The following ESRRG variants were observed in gnomAD, a reference collection of about 807,000 sequenced individuals.
ESRRG encodes estrogen-related receptor gamma.
Under a neutral mutation model 44.0 loss-of-function variants are expected in ESRRG, and 13 were observed. The observed-to-expected ratio is 0.30, with a 90% CI of 0.19 to 0.47. ESRRG has a LOEUF of 0.47. Ranked by LOEUF, ESRRG falls within the 20% of genes least tolerant of loss-of-function variation. The pLI is 1.00. For synonymous variants in ESRRG, 215 were observed against 214.6 expected (o/e 1.00, Z -0.02); for missense variants, 395 against 580.6 (o/e 0.68, Z 3.29).
chr1:217,052,620 A>G (rs1488272303), intron 1 of ESRRG, among the ~76,000 whole-genome samples: 1 of 152,206 alleles, frequency 6.6e-6, no homozygotes, highest in African/African-American at 2.4e-5. Flanking sequence ...CAAAAGAACC[A>G]AAGGTTTCCC....
chr1:216,767,140 C>G (rs1035042019), intron 2 of ESRRG, among the ~76,000 whole-genome samples: 1 of 151,954 alleles, frequency 6.6e-6, no homozygotes, highest in Non-Finnish European at 1.5e-5. Flanking sequence ...TCAAAGTGTT[C>G]TTTTTTATTT....
At chr1:216,773,166 G>A (rs2093451821) in intron 2 of ESRRG, among the ~76,000 whole-genome samples, 1 of 152,066 alleles carries the variant, frequency 6.6e-6, no homozygotes, top group African/African-American at 2.4e-5. Flanking sequence ...CTTAAAATGT[G>A]TATGCCTTTC....
chr1:217,053,132 TTAAAA>T (rs1264830109), intron 1 of ESRRG, among the ~76,000 whole-genome samples: 1 of 26,040 alleles, frequency 3.8e-5, no homozygotes, highest in Non-Finnish European at 8.4e-5. Context: ...AAATCCCATC[TTAAAA>T]AAAAAAAAAA....
At chr1:216,821,689 AAAATAAAT>A (rs199753545) in intron 2 of ESRRG, among the ~76,000 whole-genome samples, 13,843 of 112,958 alleles carry the variant, frequency 0.12, 2,150 homozygotes, top group African/African-American at 0.26. Flanking sequence ...TGCCTCAGGA[AAAATAAAT>A]AAATAAATAA....
At chr1:216,717,340 A>C (rs2085119163) in intron 1 of ESRRG, among the ~76,000 whole-genome samples, 1 of 151,854 alleles carries the variant, frequency 6.6e-6, no homozygotes, top group African/African-American at 2.4e-5. Flanking sequence ...AAAACTCTGA[A>C]TGGAAATTAT....
At chr1:216,606,549 T>C (rs575612556) in intron 3 of ESRRG, among the ~76,000 whole-genome samples, 20 of 152,270 alleles carry the variant, frequency 1.3e-4, no homozygotes, top group African/African-American at 4.6e-4. Context: ...TTGGCCACTC[T>C]TTCTCTTGCA....
intron 1 of ESRRG, among the ~76,000 whole-genome samples, chr1:217,020,275 A>C (rs1027480624): frequency 6.6e-6 from 1 of 152,200 alleles, no homozygotes; most frequent in African/African-American, 2.4e-5. Flanking sequence ...GCCCCAGTAA[A>C]ATATGACAAA....
intron 2 of ESRRG, among the ~76,000 whole-genome samples, chr1:216,829,642 C>T (rs2095454907): frequency 6.6e-6 from 1 of 151,786 alleles, no homozygotes; most frequent in Admixed American, 6.6e-5. Flanking sequence ...CCAACCTCCG[C>T]CTCCTGGGTT....
At chr1:216,523,846 CAA>C (rs145462321) in intron 5 of ESRRG, among the ~76,000 whole-genome samples, 6 of 127,444 alleles carry the variant, frequency 4.7e-5, no homozygotes, top group Admixed American at 7.7e-5. Flanking sequence ...TTCTGTTCCA[CAA>C]AAAAAAAAAA....
At chr1:217,057,114 CT>C (rs2087280306) in intron 1 of ESRRG, among the ~76,000 whole-genome samples, 1 of 152,132 alleles carries the variant, frequency 6.6e-6, no homozygotes, top group African/African-American at 2.4e-5. Flanking sequence ...TGAGAAACTA[CT>C]GAGAGTGGCT....
chr1:216,716,905 G>T (rs560691487), intron 1 of ESRRG, among the ~76,000 whole-genome samples: 1 of 151,934 alleles, frequency 6.6e-6, no homozygotes, highest in African/African-American at 2.4e-5. Context: ...ATCTTTGCCA[G>T]TATACTGAAA....
At chr1:216,687,403 T>G (rs144175310) in intron 1 of ESRRG, among the ~76,000 whole-genome samples, 9 of 152,316 alleles carry the variant, frequency 5.9e-5, no homozygotes, top group Non-Finnish European at 1.3e-4. Context: ...TTGATTTGAC[T>G]GCCAGTAGGA....
At chr1:216,815,238 T>C (rs1045815369) in intron 2 of ESRRG, among the ~76,000 whole-genome samples, 21 of 152,346 alleles carry the variant, frequency 1.4e-4, no homozygotes, top group Non-Finnish European at 2.5e-4. Flanking sequence ...GTGCTGACTA[T>C]GTGCCAGGCA....
chr1:216,912,107 GAAGAAAAGAAAAGAA>G lies in ESRRG; in HGVS notation c.-14+27460_-14+27474del, dbSNP rs763291110. Reference sequence around the variant, plus strand: ...GAGCAAGACCCACCCTGTAAAAAAAGAAGAAAAGAAAAGAAAAGAAAAGAAAAGAAAAGAAAAGAA... The same window carrying G: ...GAGCAAGACCCACCCTGTAAAAAAAGAAGAAAAGAAAAGAAAAGAAAAGAA... On this transcript the variant is annotated intron_variant, in intron 2 of 7. Coordinates refer to the ESRRG transcript ENST00000359162. Among the ~76,000 whole-genome samples, 308 of 74,366 alleles carry G rather than the reference GAAGAAAAGAAAAGAA, an allele frequency of 4.1e-3. 7 individuals carry two copies. Among genetic ancestry groups the G allele is most frequent in the Non-Finnish European group, 5.9e-3 (213 of 35,870 alleles). 48.8% of individuals were successfully genotyped at this position (74,366 alleles called of 152,430 possible).
intron 1 of ESRRG, among the ~76,000 whole-genome samples, chr1:217,062,166 C>A (rs536051352): frequency 1.3e-5 from 2 of 152,182 alleles, no homozygotes; most frequent in South Asian, 2.1e-4. Flanking sequence ...ACACCCCTGG[C>A]GTGTGAATTA....
At chr1:216,781,664 G>A (rs932642699) in intron 2 of ESRRG, among the ~76,000 whole-genome samples, 6 of 152,006 alleles carry the variant, frequency 3.9e-5, no homozygotes, top group African/African-American at 7.2e-5. Context: ...AGAAGAGACC[G>A]CCTTTACATG....
chr1:217,015,756 T>G (rs2079274602), intron 1 of ESRRG, among the ~76,000 whole-genome samples: 1 of 141,140 alleles, frequency 7.1e-6, no homozygotes, highest in Non-Finnish European at 1.6e-5. Flanking sequence ...TGAGACAGAG[T>G]TTCACTCTTA....
chr1:216,774,798 C>CTCTTTTTTTTTTTT (rs778887121), intron 2 of ESRRG, among the ~76,000 whole-genome samples: 6 of 110,850 alleles, frequency 5.4e-5, no homozygotes, highest in African/African-American at 2.2e-4. Context: ...ATAATTTCTT[C>CTCTTTTTTTTTTTT]TTTTTTTTTT....
intron 4 of ESRRG, among the ~76,000 whole-genome samples, chr1:216,566,066 T>C (rs1451620138): frequency 6.6e-5 from 10 of 152,070 alleles, no homozygotes; most frequent in Admixed American, 1.3e-4. Context: ...AGAAATTTGG[T>C]TGAAGCTTAG....
Sources: allele counts gnomAD v4.1 joint callset (sites outside exome capture counted in the v4.1 genomes callset), GRCh38; gene constraint gnomAD v4.1.1; transcripts MANE v1.5; gene names NCBI Gene and HGNC (gene_info 2026-07-23, HGNC 2026-07-21).